DNAH11: variants seen among roughly 807,000 people sequenced by gnomAD.
DNAH11 encodes the protein axonemal beta dynein heavy chain 11.
Under a neutral mutation model 526.0 loss-of-function variants are expected in DNAH11, and 442 were observed. That is an observed-to-expected ratio of 0.84 (90% CI 0.78 to 0.91). The LOEUF is 0.91. Among genes scored for constraint, DNAH11 ranks in the 40% least tolerant of loss-of-function variants. DNAH11 has a pLI of 0.00. For synonymous variants in DNAH11, 2,461 were observed against 1,935.9 expected, an observed-to-expected ratio of 1.27 and a Z score of -7.12; for missense variants, 6,989 against 5,448.7, an observed-to-expected ratio of 1.28 and a Z score of -8.90.
At chr7:21,728,753 G>A (rs183249811) in intron 45 of DNAH11, among the ~76,000 whole-genome samples, 1 of 152,302 alleles carries the variant, frequency 6.6e-6, no homozygotes, top group Non-Finnish European at 1.5e-5. Context: ...AAAATACAGT[G>A]GTAGAACAGG....
At chr7:21,731,832 G>A (rs1785400894) in intron 45 of DNAH11, among the ~76,000 whole-genome samples, 1 of 152,156 alleles carries the variant, frequency 6.6e-6, no homozygotes, top group African/African-American at 2.4e-5. Context: ...CAGGTCGATT[G>A]TTGTGTACTG....
intron 57 of DNAH11, among the ~76,000 whole-genome samples, chr7:21,783,575 A>G (rs1301872979): frequency 1.3e-5 from 2 of 152,204 alleles, no homozygotes; most frequent in African/African-American, 4.8e-5. Context: ...ACTGAGGACT[A>G]AAAATTCACT....
chr7:21,728,020 G>A (rs1256523828), intron 45 of DNAH11, among the ~76,000 whole-genome samples: 5 of 151,996 alleles, frequency 3.3e-5, no homozygotes, highest in African/African-American at 1.2e-4. Flanking sequence ...CAGTCACATT[G>A]GATAAGGGCC....
intron 14 of DNAH11, among the ~76,000 whole-genome samples, chr7:21,596,620 T>A (rs370694325): frequency 5.9e-5 from 9 of 152,308 alleles, no homozygotes; most frequent in African/African-American, 2.2e-4. Context: ...ACTCTAAGGA[T>A]TTAAACCATT....
chr7:21,585,937 TCTCTA>T (rs1476532634), intron 9 of DNAH11, among the ~76,000 whole-genome samples: 1 of 152,186 alleles, frequency 6.6e-6, no homozygotes, highest in Non-Finnish European at 1.5e-5. Flanking sequence ...AAAGAAAACA[TCTCTA>T]CTCTTCATAA....
intron 22 of DNAH11, 33 bp downstream of exon 22, chr7:21,616,325 A>G (rs1160977046): frequency 2.6e-6 from 4 of 1,553,112 alleles, no homozygotes; most frequent in South Asian, 1.2e-5. Context: ...ACAACAATTT[A>G]TCTTTCTCAG....
chr7:21,828,268 A>G (rs954916761), intron 65 of DNAH11, among the ~76,000 whole-genome samples: 2 of 152,136 alleles, frequency 1.3e-5, no homozygotes, highest in Non-Finnish European at 2.9e-5. Flanking sequence ...GATTTTAAAT[A>G]AACTCTAGAG....
intron 71 of DNAH11, among the ~76,000 whole-genome samples, chr7:21,867,512 C>A (rs760208989): frequency 6.6e-6 from 1 of 152,148 alleles, no homozygotes; most frequent in African/African-American, 2.4e-5. Flanking sequence ...GAAAATTGCA[C>A]TGTGGCAAAT....
intron 54 of DNAH11, among the ~76,000 whole-genome samples, chr7:21,756,812 T>G (rs1480290298): frequency 6.6e-6 from 1 of 152,202 alleles, no homozygotes; most frequent in East Asian, 1.9e-4. Flanking sequence ...GCCTAAAATT[T>G]GTTAATGAAT....
chr7:21,896,273 G>A (rs564849149), intron 79 of DNAH11, among the ~76,000 whole-genome samples: 242 of 152,258 alleles, frequency 1.6e-3, no homozygotes, highest in African/African-American at 5.5e-3. Flanking sequence ...ATAGAGCAGG[G>A]CTTGGAGGGT....
chr7:21,627,132 C>G (rs1583542408), intron 25 of DNAH11, among the ~76,000 whole-genome samples: 1 of 152,100 alleles, frequency 6.6e-6, no homozygotes, highest in East Asian at 1.9e-4. Context: ...TTTTGTTTTG[C>G]CACTGGGTTG....
chr7:21,775,233 C>T (rs185550300), intron 56 of DNAH11, among the ~76,000 whole-genome samples: 28 of 152,240 alleles, frequency 1.8e-4, no homozygotes, highest in Admixed American at 3.3e-4. Flanking sequence ...GTTTCCAGGA[C>T]GGTTGGGATC....
At position 21,901,123 on chromosome 7, in the gene DNAH11, C is replaced by T; in HGVS notation, c.13420C>T (p.Gln4474Ter). ...ATPVDRQETK[Q>*]TYECPVYRTK... ...CCCCGTGGACAGACAAGAAACCAAA[C>T]AGACCTACGAGTGCCCTGTGTATAG... The change falls in exon 82 of 82, where the codon CAG becomes TAG. Residue 4474 changes from glutamine to a stop codon, truncating the protein, a stop_gained. Coordinates refer to ENST00000409508, the MANE Select transcript of DNAH11 (RefSeq NM_001277115.2). LOFTEE classifies it high-confidence loss of function. The T allele has an allele frequency of 6.2e-7, 1 of 1,613,932 alleles. No homozygotes were observed. The highest frequency in any genetic ancestry group is 8.5e-7 in the Non-Finnish European group (1 of 1,179,856).
chr7:21,735,871 A>G, intron 46 of DNAH11, 27 bp downstream of exon 46: 1 of 1,560,732 alleles, frequency 6.4e-7, no homozygotes, highest in Non-Finnish European at 8.7e-7. Context: ...ATTTTCTAGA[A>G]ACAAGGGATC....
chr7:21,569,935 GCTTT>G (rs1783820069), intron 6 of DNAH11, 130 bp from the exon 7 acceptor site: 7 of 671,034 alleles, frequency 1.0e-5, no homozygotes, highest in Non-Finnish European at 1.7e-5. Context: ...TAGAACTTGT[GCTTT>G]CTTTCTTTCA....
intron 42 of DNAH11, among the ~76,000 whole-genome samples, chr7:21,714,834 T>A (rs575593216): frequency 6.6e-6 from 1 of 152,186 alleles, no homozygotes; most frequent in Non-Finnish European, 1.5e-5. Context: ...GAAAGTAAGT[T>A]GGAGACATTA....
In DNAH11 at chr7:21,720,709, A is replaced by C. The variant is rs1243821276; in HGVS notation, c.7135-16A>C. On this transcript the variant is annotated splice_polypyrimidine_tract_variant and intron_variant, in intron 43 of 81. Transcript: ENST00000409508. ...TAAAAAAATGTTGCCTTATTTGACT[A>C]TTTCTTTTTCTTTAGACTCTATGTG... 6.5e-7 allele frequency: 1 copy of C among 1,539,054 alleles called. No individual in the cohort carries two copies. Among genetic ancestry groups the C allele is most frequent in the Non-Finnish European group, 8.7e-7 (1 of 1,144,040 alleles).
Position 21,873,257 on chromosome 7 carries a change from A to G in DNAH11, c.11968-17A>G, listed in dbSNP as rs1290940807. 6.4e-7 allele frequency: 1 copy of G among 1,552,674 alleles called. No homozygotes were observed. Among genetic ancestry groups the G allele is most frequent in the Non-Finnish European group, 8.8e-7 (1 of 1,142,358 alleles). ...TGCCTCACCTTCACAGGAATTATGC[A>G]CCATGCTATCTTTCAGAATGTTCAT... On this transcript the variant is annotated splice_polypyrimidine_tract_variant and intron_variant, in intron 73 of 81. Coordinates refer to ENST00000409508, the MANE Select transcript of DNAH11 (RefSeq NM_001277115.2).
intron 55 of DNAH11, 79 bp from the exon 56 acceptor site, chr7:21,773,687 G>T: frequency 4.0e-6 from 4 of 1,011,486 alleles, no homozygotes; most frequent in South Asian, 2.5e-5. Context: ...GAAAAAAAAT[G>T]ATCATTTACT....
Sources: allele counts gnomAD v4.1 joint callset (sites outside exome capture counted in the v4.1 genomes callset), GRCh38; gene constraint gnomAD v4.1.1; transcripts MANE v1.5; gene names NCBI Gene and HGNC (gene_info 2026-07-23, HGNC 2026-07-21).